Variants in STPG2 observed in about 807,000 individuals in gnomAD.
The protein encoded by STPG2 is sperm tail PG-rich repeat containing 2.
STPG2 carries 56 observed loss-of-function variants against 54.2 expected under a neutral mutation model. The ratio of observed to expected loss-of-function variants is 1.03; its 90% confidence interval spans 0.83 to 1.29. The LOEUF (loss-of-function observed/expected upper bound fraction) is 1.29. STPG2 is among the 50% of genes most tolerant of loss of function. STPG2 has a pLI of 0.00. For missense variants in STPG2, 596 were observed against 544.9 expected (o/e 1.09, Z -0.93); for synonymous variants, 200 against 181.8 (o/e 1.10, Z -0.81).
At chr4:97,889,881 G>C (rs1473052913) in intron 8 of STPG2, among the ~76,000 whole-genome samples, 1 of 152,122 alleles carries the variant, frequency 6.6e-6, no homozygotes, top group Non-Finnish European at 1.5e-5. Context: ...GTTAGCTACA[G>C]GATAGGAGTT....
chr4:97,523,232 G>C (rs1237178605), intron 4 of STPG2, among the ~76,000 whole-genome samples: 1 of 151,824 alleles, frequency 6.6e-6, no homozygotes, highest in Non-Finnish European at 1.5e-5. Context: ...TAGGAGCTTT[G>C]ATATCAGATA....
intron 8 of STPG2, among the ~76,000 whole-genome samples, chr4:97,937,943 A>G (rs974662029): frequency 6.6e-6 from 1 of 152,122 alleles, no homozygotes; most frequent in African/African-American, 2.4e-5. Context: ...CTTGGGGCAA[A>G]CCCACTCATC....
intron 10 of STPG2, among the ~76,000 whole-genome samples, chr4:97,564,674 A>C (rs926648897): frequency 6.6e-6 from 1 of 152,022 alleles, no homozygotes; most frequent in African/African-American, 2.4e-5. Context: ...AAAGTATTTT[A>C]TTTCTCCTTC....
At chr4:97,475,860 A>G (rs1730056933) in intron 4 of STPG2, among the ~76,000 whole-genome samples, 1 of 152,152 alleles carries the variant, frequency 6.6e-6, no homozygotes. Context: ...CTGGCCGCTT[A>G]TCTAAAAGGC....
At chr4:98,130,464 T>A (rs1316428857) in intron 2 of STPG2, among the ~76,000 whole-genome samples, 9 of 152,002 alleles carry the variant, frequency 5.9e-5, no homozygotes, top group Non-Finnish European at 8.8e-5. Context: ...ATTACAGGCA[T>A]AAGCCACCAC....
chr4:97,571,135 T>A (rs1482379522), intron 10 of STPG2, among the ~76,000 whole-genome samples: 1 of 152,064 alleles, frequency 6.6e-6, no homozygotes. Context: ...TAATTATTTT[T>A]AAATTTTTAT....
At chr4:97,943,348 T>G (rs1578716061) in intron 8 of STPG2, among the ~76,000 whole-genome samples, 1 of 152,198 alleles carries the variant, frequency 6.6e-6, no homozygotes, top group African/African-American at 2.4e-5. Flanking sequence ...TTTACTTTGA[T>G]ATATTTGTAA....
intron 5 of STPG2, among the ~76,000 whole-genome samples, chr4:98,104,958 G>C (rs1189936049): frequency 1.3e-5 from 2 of 152,178 alleles, no homozygotes; most frequent in African/African-American, 2.4e-5. Context: ...AGGCAGACAA[G>C]ATTGAAAACC....
chr4:97,692,310 A>AC, intron 10 of STPG2, among the ~76,000 whole-genome samples: 1 of 151,786 alleles, frequency 6.6e-6, no homozygotes, highest in East Asian at 1.9e-4. Flanking sequence ...AAAAAAAAAA[A>AC]AAAAAACCTC....
At position 97,643,672 on chromosome 4, in the gene STPG2, T is replaced by G. The variant is rs1005483554; in HGVS notation, c.1320+69027A>C. On this transcript the variant is annotated intron_variant, in intron 10 of 10. Transcript: ENST00000295268. ...TTAAATTGACTTTAAACTAATTTCCTTCTTTGTTTAAAGAACTCTTTCAGT... is the reference window on the plus strand; with the variant it reads ...TTAAATTGACTTTAAACTAATTTCCGTCTTTGTTTAAAGAACTCTTTCAGT... 2.6e-5 allele frequency among the ~76,000 whole-genome samples: 4 copies of G among 151,964 alleles called. No homozygotes were observed. The South Asian group carries it at 8.3e-4, about 32-fold the overall frequency.
chr4:97,504,172 A>C (rs966495512), intron 4 of STPG2, among the ~76,000 whole-genome samples: 1 of 144,842 alleles, frequency 6.9e-6, no homozygotes, highest in Non-Finnish European at 1.5e-5. Context: ...ATTTATTTAA[A>C]TATTTTATTT....
chr4:97,600,962 CT>C (rs1186568802), intron 10 of STPG2, among the ~76,000 whole-genome samples: 1 of 151,640 alleles, frequency 6.6e-6, no homozygotes, highest in Non-Finnish European at 1.5e-5. Context: ...TTGAAATAAC[CT>C]AGCAAAGTGA....
intron 9 of STPG2, among the ~76,000 whole-genome samples, chr4:97,800,548 G>T (rs994022733): frequency 6.6e-6 from 1 of 152,164 alleles, no homozygotes; most frequent in African/African-American, 2.4e-5. Context: ...TGGAAGCTTC[G>T]TCTCAGAGTG....
chr4:98,033,009 C>T (rs186898011), intron 5 of STPG2, among the ~76,000 whole-genome samples: 1 of 151,816 alleles, frequency 6.6e-6, no homozygotes, highest in East Asian at 1.9e-4. Context: ...AAATCAACAC[C>T]CTAACATCAC....
At chr4:97,771,486 G>A (rs1217755476) in intron 9 of STPG2, among the ~76,000 whole-genome samples, 1 of 152,116 alleles carries the variant, frequency 6.6e-6, no homozygotes, top group Non-Finnish European at 1.5e-5. Flanking sequence ...GAGCTGGTCT[G>A]TAGTTGGTGG....
intron 9 of STPG2, among the ~76,000 whole-genome samples, chr4:97,826,936 A>T (rs1728276890): frequency 6.6e-6 from 1 of 152,220 alleles, no homozygotes; most frequent in South Asian, 2.1e-4. Flanking sequence ...ATTCACAGAC[A>T]ATTGTTGTCT....
At chr4:98,132,365 C>T (rs969423347) in intron 2 of STPG2, among the ~76,000 whole-genome samples, 1 of 151,932 alleles carries the variant, frequency 6.6e-6, no homozygotes, top group South Asian at 2.1e-4. Context: ...AAATGTACTT[C>T]ATATCACATA....
chr4:97,600,605 T>C (rs1733432081), intron 10 of STPG2, among the ~76,000 whole-genome samples: 2 of 152,148 alleles, frequency 1.3e-5, no homozygotes, highest in Admixed American at 1.3e-4. Context: ...ATGCAGATAA[T>C]ATTTATCTGT....
chr4:97,514,578 TTAAA>T (rs1731037040), intron 4 of STPG2, among the ~76,000 whole-genome samples: 1 of 152,154 alleles, frequency 6.6e-6, no homozygotes, highest in Non-Finnish European at 1.5e-5. Flanking sequence ...TTACTATGAC[TTAAA>T]TGAAGAGTAA....
Sources: gnomAD v4.1 joint callset for allele counts (sites outside exome capture counted in the v4.1 genomes callset) on GRCh38, gnomAD v4.1.1 for gene constraint, MANE v1.5 for transcripts, NCBI Gene and HGNC (gene_info 2026-07-23, HGNC 2026-07-21) for gene names.